The following NOL10 variants were observed in gnomAD, a reference collection of about 807,000 sequenced individuals.
The protein encoded by NOL10 is nucleolar protein 10.
NOL10 carries 58 observed loss-of-function variants against 103.5 expected under a neutral mutation model. That is an observed-to-expected ratio of 0.56 (90% CI 0.45 to 0.70). The LOEUF (loss-of-function observed/expected upper bound fraction) is 0.70. Ranked by LOEUF, NOL10 falls within the 30% of genes least tolerant of loss-of-function variation. The pLI is 0.00. For missense variants in NOL10, 763 were observed against 807.3 expected (o/e 0.95, Z 0.67); for synonymous variants, 287 against 282.5 (o/e 1.02, Z -0.16).
chr2:10,587,646 T>C (rs1675185778), intron 19 of NOL10, among the ~76,000 whole-genome samples: 1 of 152,048 alleles, frequency 6.6e-6, no homozygotes, highest in African/African-American at 2.4e-5. Context: ...CTCTACTAGC[T>C]TCTTTATTCA....
chr2:10,625,118 G>A (rs1677378289), intron 13 of NOL10, among the ~76,000 whole-genome samples: 1 of 152,222 alleles, frequency 6.6e-6, no homozygotes, highest in Non-Finnish European at 1.5e-5. Flanking sequence ...GGGGTTTGTG[G>A]GGTGGAGGAA....
Position 10,654,517 on chromosome 2 carries a change from G to A in NOL10, c.937C>T (p.His313Tyr), listed in dbSNP as rs1186102596. ...GKIFTSLEPE[H>Y]DLNDVCLYPN... ...TAGAGACAAACATCATTAAGGTCAT[G>A]CTCTGGCTCCAAGGAAGTAAATATT... is the stretch of plus-strand genomic sequence containing the variant. The change falls in exon 12 of 21, where the codon CAT (histidine) becomes TAT (tyrosine). Residue 313 changes from histidine (H) to tyrosine (Y), a missense_variant. Coordinates refer to ENST00000381685, the MANE Select transcript of NOL10 (RefSeq NM_024894.4). 1.2e-6 allele frequency: 2 copies of A among 1,600,868 alleles called. No homozygotes were observed. The highest frequency in any genetic ancestry group is 1.7e-6 in the Non-Finnish European group (2 of 1,176,438).
At chr2:10,579,647 C>T (rs1034216047) in intron 19 of NOL10, among the ~76,000 whole-genome samples, 1 of 151,754 alleles carries the variant, frequency 6.6e-6, no homozygotes, top group African/African-American at 2.4e-5. Context: ...CAGCAAATCC[C>T]TCAACCTGTT....
intron 13 of NOL10, among the ~76,000 whole-genome samples, chr2:10,638,342 C>T (rs1229678122): frequency 6.7e-6 from 1 of 150,346 alleles, no homozygotes; most frequent in Non-Finnish European, 1.5e-5. Flanking sequence ...CGTAACGTAA[C>T]GTAACGTAAC....
At chr2:10,573,337 G>A (rs1258732943) in intron 20 of NOL10, among the ~76,000 whole-genome samples, 1 of 152,096 alleles carries the variant, frequency 6.6e-6, no homozygotes. Flanking sequence ...GGGACTACAG[G>A]CACCCGCCAC....
chr2:10,637,167 C>A (rs1318151821), intron 13 of NOL10, among the ~76,000 whole-genome samples: 5 of 124,142 alleles, frequency 4.0e-5, no homozygotes, highest in African/African-American at 1.2e-4. Flanking sequence ...CTAATCTGGG[C>A]CACGGAGCAA....
intron 13 of NOL10, among the ~76,000 whole-genome samples, chr2:10,619,623 C>T (rs926532615): frequency 2.1e-5 from 3 of 142,722 alleles, no homozygotes; most frequent in Non-Finnish European, 3.0e-5. Flanking sequence ...TGAAACACTA[C>T]AAATGACATG....
chr2:10,677,142 T>C (rs1295367621), intron 3 of NOL10, among the ~76,000 whole-genome samples: 1 of 152,120 alleles, frequency 6.6e-6, no homozygotes, highest in Non-Finnish European at 1.5e-5. Context: ...TTTCACCATG[T>C]TGGCCAGGCT....
chr2:10,626,675 G>T (rs542596263), intron 13 of NOL10, among the ~76,000 whole-genome samples: 5 of 152,166 alleles, frequency 3.3e-5, no homozygotes, highest in Admixed American at 3.3e-4. Context: ...GATCGACTTG[G>T]TAAGCACCAA....
At chr2:10,611,837 C>G (rs1373842891) in intron 13 of NOL10, among the ~76,000 whole-genome samples, 1 of 152,164 alleles carries the variant, frequency 6.6e-6, no homozygotes, top group Non-Finnish European at 1.5e-5. Flanking sequence ...ATCGCTTGAA[C>G]CCGGGAGGTG....
chr2:10,625,560 T>C (rs932875109), intron 13 of NOL10, among the ~76,000 whole-genome samples: 11 of 152,364 alleles, frequency 7.2e-5, no homozygotes, highest in Admixed American at 2.0e-4. Flanking sequence ...CCAAGAATAA[T>C]GTTCTGTTCC....
intron 9 of NOL10, among the ~76,000 whole-genome samples, chr2:10,662,601 A>T (rs1157099612): frequency 7.5e-6 from 1 of 132,620 alleles, no homozygotes; most frequent in Non-Finnish European, 1.7e-5. Context: ...AGAAAATATT[A>T]AAAAAACACT....
At chr2:10,650,534 A>G (rs928056141) in intron 12 of NOL10, among the ~76,000 whole-genome samples, 1 of 152,206 alleles carries the variant, frequency 6.6e-6, no homozygotes, top group Non-Finnish European at 1.5e-5. Context: ...AATTTCATTT[A>G]AAAGCATGCT....
intron 14 of NOL10, among the ~76,000 whole-genome samples, chr2:10,606,607 C>CA (rs35623656): frequency 0.23 from 25,358 of 111,552 alleles, 3,596 homozygotes; most frequent in East Asian, 0.46. Context: ...GACTCTGTCT[C>CA]AAAAAAAAAA....
At chr2:10,650,077 G>T (rs1303567797) in intron 12 of NOL10, among the ~76,000 whole-genome samples, 5 of 152,114 alleles carry the variant, frequency 3.3e-5, no homozygotes, top group African/African-American at 1.2e-4. Context: ...TGACCAAATT[G>T]TCAAACATTT....
chr2:10,657,735 T>C lies in NOL10; in HGVS notation c.906+7A>G, dbSNP rs1558329517. The C allele has an allele frequency of 4.5e-6, 7 of 1,547,162 alleles. No individual in the cohort carries two copies. The highest frequency in any genetic ancestry group is 5.2e-6 in the Non-Finnish European group (6 of 1,145,156). On this transcript the variant is annotated splice_region_variant and intron_variant, in intron 11 of 20. Transcript: ENST00000381685. ...AGAAGCAAGTAATTTCAACCAAAAA[T>C]ACATACGGAGTTCTTATTCCACATC...
chr2:10,669,618 C>T (rs1680799172), intron 6 of NOL10, among the ~76,000 whole-genome samples: 1 of 151,078 alleles, frequency 6.6e-6, no homozygotes, highest in Non-Finnish European at 1.5e-5. Flanking sequence ...CAGGGCTGGG[C>T]AGCGGTGGCT....
intron 19 of NOL10, among the ~76,000 whole-genome samples, chr2:10,581,360 G>A (rs1229763546): frequency 1.3e-5 from 2 of 151,838 alleles, no homozygotes; most frequent in Non-Finnish European, 2.9e-5. Context: ...ACACATTTGC[G>A]ACTGTGAAAG....
chr2:10,619,432 T>C (rs945438873), intron 13 of NOL10, among the ~76,000 whole-genome samples: 28 of 152,324 alleles, frequency 1.8e-4, no homozygotes, highest in African/African-American at 6.0e-4. Context: ...GGGAGTACAG[T>C]TGTGGCCACC....
Sources: allele counts gnomAD v4.1 joint callset (sites outside exome capture counted in the v4.1 genomes callset), GRCh38; gene constraint gnomAD v4.1.1; transcripts MANE v1.5; gene names NCBI Gene and HGNC (gene_info 2026-07-23, HGNC 2026-07-21).